The following POF1B variants were observed in gnomAD, a reference collection of about 807,000 sequenced individuals.
POF1B encodes protein POF1B.
A neutral mutation model predicts 55.3 loss-of-function variants in POF1B; 53 were observed. The observed-to-expected ratio is 0.96, with a 90% CI of 0.77 to 1.20. The LOEUF is 1.20. Among genes scored for constraint, POF1B ranks in the 50% most tolerant of loss-of-function variants. POF1B has a pLI of 0.00. For synonymous variants in POF1B, 188 were observed against 148.3 expected, an observed-to-expected ratio of 1.27 and a Z score of -1.95; for missense variants, 478 against 420.5, an observed-to-expected ratio of 1.14 and a Z score of -1.20.
Position 85,376,579 on chromosome X carries a change from A to G in POF1B, c.282+2594T>C, listed in dbSNP as rs148339582. On this transcript the variant is annotated intron_variant, in intron 2 of 16. Transcript: ENST00000262753. ...ATTTTCTCTGAGAAACACTCTATCAATCAAACAAAATAATAACCAAAAAAC... is the reference window on the plus strand; with the variant it reads ...ATTTTCTCTGAGAAACACTCTATCAGTCAAACAAAATAATAACCAAAAAAC... Among the ~76,000 whole-genome samples, 943 of 111,481 alleles carry G rather than the reference A, an allele frequency of 8.5e-3. 13 individuals are homozygous for G. The highest frequency in any genetic ancestry group is 0.029 in the African/African-American group (906 of 30,715).
chrX:85,359,325 A>G (rs921547234), intron 4 of POF1B, among the ~76,000 whole-genome samples: 3 of 111,213 alleles, frequency 2.7e-5, no homozygotes, highest in Non-Finnish European at 5.7e-5. Context: ...CAACCCAAGA[A>G]TTTCCAACCT....
chrX:85,360,527 G>GTGTATATA (rs1555988251), intron 3 of POF1B, among the ~76,000 whole-genome samples: 19 of 58,522 alleles, frequency 3.2e-4, no homozygotes, highest in South Asian at 9.3e-4. Context: ...TCCATGGTAT[G>GTGTATATA]TATATATATA....
intron 4 of POF1B, among the ~76,000 whole-genome samples, chrX:85,353,283 C>A (rs748571944): frequency 1.8e-5 from 2 of 111,088 alleles, no homozygotes; most frequent in African/African-American, 3.3e-5. Flanking sequence ...ACATACTTAG[C>A]AGATAGAGCT....
chrX:85,298,533 C>G (rs1383502885), intron 15 of POF1B, among the ~76,000 whole-genome samples: 2 of 111,797 alleles, frequency 1.8e-5, no homozygotes, highest in Admixed American at 9.5e-5. Flanking sequence ...TCTCCCTATT[C>G]AGCCTTAGTA....
intron 15 of POF1B, among the ~76,000 whole-genome samples, chrX:85,295,037 C>A (rs1932279725): frequency 9.0e-6 from 1 of 111,282 alleles, no homozygotes; most frequent in Non-Finnish European, 1.9e-5. Flanking sequence ...GTCTGAGGAC[C>A]TTTTGTATTT....
At chrX:85,364,992 A>G (rs367945553) in intron 3 of POF1B, among the ~76,000 whole-genome samples, 9 of 111,003 alleles carry the variant, frequency 8.1e-5, no homozygotes, top group African/African-American at 2.3e-4. Flanking sequence ...GTCTTATTTC[A>G]GAGAGCCAGT....
intron 16 of POF1B, 191 bp downstream of exon 16, chrX:85,282,012 A>G: frequency 5.6e-6 from 2 of 359,252 alleles, no homozygotes; most frequent in African/African-American, 5.3e-5. Context: ...AGCTTAAATA[A>G]TCAATTATAT....
At chrX:85,365,517 T>C (rs1933704298) in intron 3 of POF1B, among the ~76,000 whole-genome samples, 1 of 111,926 alleles carries the variant, frequency 8.9e-6, no homozygotes, top group Non-Finnish European at 1.9e-5. Flanking sequence ...GGGGCTATGT[T>C]AGTGAGGTAT....
At chrX:85,328,251 C>A (rs1319647626) in intron 7 of POF1B, among the ~76,000 whole-genome samples, 1 of 108,192 alleles carries the variant, frequency 9.2e-6, no homozygotes, top group African/African-American at 3.4e-5. Context: ...GTCGCCCAGA[C>A]TGGAGTGCAG....
intron 15 of POF1B, among the ~76,000 whole-genome samples, chrX:85,292,606 G>T (rs1932216319): frequency 9.0e-6 from 1 of 110,823 alleles, no homozygotes; most frequent in Non-Finnish European, 1.9e-5. Context: ...ATTTATTACT[G>T]CCTCAATTTC....
At chrX:85,350,829 A>T (rs181422909) in intron 5 of POF1B, among the ~76,000 whole-genome samples, 1 of 111,584 alleles carries the variant, frequency 9.0e-6, no homozygotes, top group East Asian at 2.8e-4. Flanking sequence ...TTAAAAAGTC[A>T]GGAAACAACA....
At chrX:85,282,773 A>G (rs749979963) in intron 15 of POF1B, among the ~76,000 whole-genome samples, 1 of 106,214 alleles carries the variant, frequency 9.4e-6, no homozygotes, top group African/African-American at 3.8e-5. Context: ...GAAGAGAGCT[A>G]CATAGATAGA....
chrX:85,295,391 A>T (rs1211326825), intron 15 of POF1B, among the ~76,000 whole-genome samples: 1 of 111,295 alleles, frequency 9.0e-6, no homozygotes, highest in Non-Finnish European at 1.9e-5. Context: ...ACTGCTTTGG[A>T]TGCATCCCAA....
chrX:85,278,641 C>T lies in POF1B; in HGVS notation c.*780G>A, dbSNP rs772532129. 23 of 111,067 alleles carry T rather than the reference C, an allele frequency of 2.1e-4. No individual in the cohort carries two copies. The highest frequency in any genetic ancestry group is 3.8e-4 in the Non-Finnish European group (20 of 52,545). 9.2% of individuals were successfully genotyped at this position (111,067 alleles called of 1,213,427 possible). A position where few individuals can be genotyped will look rare whatever the true frequency, so the allele number is the denominator to read the frequency against. On this transcript the variant is annotated 3_prime_UTR_variant, in exon 17 of 17. Transcript: ENST00000262753. ...ATGTTTGCATACCACTATGAAAAAA[C>T]TTACCTTCCTTACACCTACTACTAC...
At chrX:85,379,578 G>T (rs1933980456) in intron 1 of POF1B, 61 bp downstream of exon 1, 6 of 730,232 alleles carry the variant, frequency 8.2e-6, no homozygotes, top group Middle Eastern at 4.8e-4. Flanking sequence ...CACGACACAC[G>T]TGTGGAAACC....
intron 15 of POF1B, among the ~76,000 whole-genome samples, chrX:85,295,899 T>A (rs1200553439): frequency 8.9e-6 from 1 of 112,578 alleles, no homozygotes; most frequent in African/African-American, 3.2e-5. Flanking sequence ...AATCTGTTTG[T>A]ATGCAGATGT....
At chrX:85,349,541 A>G (rs767412429) in intron 5 of POF1B, among the ~76,000 whole-genome samples, 3 of 111,019 alleles carry the variant, frequency 2.7e-5, no homozygotes, top group Non-Finnish European at 5.7e-5. Context: ...ATAAAATATG[A>G]CTGGTGTCCT....
At chrX:85,294,832 A>G (rs762896976) in intron 15 of POF1B, among the ~76,000 whole-genome samples, 22 of 111,619 alleles carry the variant, frequency 2.0e-4, no homozygotes, top group African/African-American at 6.8e-4. Flanking sequence ...TTACCTGTGA[A>G]TCCTTCTGGT....
intron 15 of POF1B, among the ~76,000 whole-genome samples, chrX:85,296,248 T>TA (rs1216903963): frequency 8.9e-6 from 1 of 111,856 alleles, no homozygotes; most frequent in Non-Finnish European, 1.9e-5. Flanking sequence ...CAAGGTTAGT[T>TA]AGTATCGATA....
Sources: allele counts gnomAD v4.1 joint callset (sites outside exome capture counted in the v4.1 genomes callset), GRCh38; gene constraint gnomAD v4.1.1; transcripts MANE v1.5; gene names NCBI Gene and HGNC (gene_info 2026-07-23, HGNC 2026-07-21).